ERICH6B: variants seen among roughly 807,000 people sequenced by gnomAD.
The protein encoded by ERICH6B is glutamate-rich protein 6B.
In ERICH6B, 69 loss-of-function variants were observed where a neutral mutation model predicts 80.0. The ratio of observed to expected loss-of-function variants is 0.86; its 90% confidence interval spans 0.71 to 1.05. The LOEUF (loss-of-function observed/expected upper bound fraction) is 1.05, where lower values mean the gene tolerates loss of function less well. Among genes scored for constraint, ERICH6B ranks in the 50% least tolerant of loss-of-function variants. The pLI is 0.00. For missense variants in ERICH6B, 754 were observed against 796.1 expected (o/e 0.95, Z 0.64); for synonymous variants, 283 against 291.9 (o/e 0.97, Z 0.31).
chr13:45,607,201 G>C (rs1478123288), intron 2 of ERICH6B, among the ~76,000 whole-genome samples: 1 of 152,162 alleles, frequency 6.6e-6, no homozygotes, highest in African/African-American at 2.4e-5. Flanking sequence ...GGAAGGTCAG[G>C]TTTTGTGGAA....
At chr13:45,593,770 C>A (rs1212563686) in intron 3 of ERICH6B, among the ~76,000 whole-genome samples, 1 of 152,244 alleles carries the variant, frequency 6.6e-6, no homozygotes, top group Non-Finnish European at 1.5e-5. Context: ...GCAGACATCA[C>A]TAGTTGCTCA....
At position 45,561,509 on chromosome 13, in the gene ERICH6B, T is replaced by A. The variant is rs1004271013; in HGVS notation, c.1267A>T (p.Met423Leu). The A allele has an allele frequency of 5.8e-6, 9 of 1,551,606 alleles. No individual in the cohort carries two copies. The highest frequency in any genetic ancestry group is 2.4e-5 in the East Asian group (1 of 40,936). ...ATTAAATGAAATGTGAAACTGGTCA[T>A]CTCTGTTAACTTTTGAGCTGCCATT... ...RRREAQKLTE[M>L]TSFTFHLMSK... Residue 423 changes from methionine (M) to leucine (L), a missense_variant, in exon 11 of 15, where the codon ATG (methionine) becomes TTG (leucine). Physicochemically the swap from Met to Leu is conservative, Grantham distance 15. Transcript: ENST00000298738.
intron 5 of ERICH6B, 31 bp downstream of exon 5, chr13:45,587,032 C>A: frequency 6.5e-7 from 1 of 1,541,872 alleles, no homozygotes; most frequent in Non-Finnish European, 8.8e-7. Context: ...AGCCCGGCTG[C>A]GCCTCACCGA....
chr13:45,575,903 T>C (rs1333406831), intron 7 of ERICH6B, among the ~76,000 whole-genome samples: 3 of 152,150 alleles, frequency 2.0e-5, no homozygotes, highest in Non-Finnish European at 4.4e-5. Context: ...GGCTCTGGCA[T>C]GATAATTGGG....
At chr13:45,560,735 CT>C (rs1874638046) in intron 11 of ERICH6B, among the ~76,000 whole-genome samples, 1 of 152,134 alleles carries the variant, frequency 6.6e-6, no homozygotes, top group Non-Finnish European at 1.5e-5. Context: ...AGATTGGTTT[CT>C]TTCACTTGGT....
In ERICH6B at chr13:45,568,351, A is replaced by G. The variant is rs755689251; in HGVS notation, c.1151T>C (p.Leu384Pro). ...TTTCCATCTGTTTTCACTTTCCAGT[A>G]GCTTAGTTAGGGGAATGTCAAAATC... ...EEDFDIPLTKLLESENRWKLV... is the reference protein window; with the variant it reads ...EEDFDIPLTKPLESENRWKLV... Residue 384 changes from leucine to proline, a missense_variant, in exon 9 of 15, where the codon CTA becomes CCA. Leu to Pro is a moderately conservative substitution (Grantham distance 98). Coordinates refer to ENST00000298738, the MANE Select transcript of ERICH6B (RefSeq NM_182542.3). 3.9e-6 allele frequency: 6 copies of G among 1,547,568 alleles called. No individual in the cohort carries two copies. The South Asian group carries it at 6.0e-5, about 16-fold the overall frequency.
chr13:45,579,186 CTG>C (rs1875550859), intron 7 of ERICH6B, among the ~76,000 whole-genome samples: 1 of 152,164 alleles, frequency 6.6e-6, no homozygotes, highest in Admixed American at 6.5e-5. Flanking sequence ...ATGGAGAAAA[CTG>C]TTGATCAGTA....
At chr13:45,596,208 T>G (rs1876361452) in intron 3 of ERICH6B, among the ~76,000 whole-genome samples, 161 bp downstream of exon 3, 1 of 152,172 alleles carries the variant, frequency 6.6e-6, no homozygotes, top group South Asian at 2.1e-4. Flanking sequence ...ATGTCAGGTT[T>G]GTGCTTTTTT....
chr13:45,561,891 T>G (rs934132860), intron 10 of ERICH6B, among the ~76,000 whole-genome samples: 18 of 151,074 alleles, frequency 1.2e-4, no homozygotes, highest in African/African-American at 4.4e-4. Flanking sequence ...ATGAGAGGAA[T>G]GCTCACACAG....
chr13:45,563,669 C>T (rs766530798), intron 10 of ERICH6B, 58 bp downstream of exon 10: 88 of 1,420,946 alleles, frequency 6.2e-5, no homozygotes, highest in Middle Eastern at 3.5e-4. Flanking sequence ...AGGGGAGAGG[C>T]GGTGGGATGC....
intron 11 of ERICH6B, among the ~76,000 whole-genome samples, chr13:45,557,944 A>ATT (rs138698972): frequency 1.4e-4 from 20 of 146,902 alleles, no homozygotes; most frequent in East Asian, 6.0e-4. Context: ...GAATTTTAGG[A>ATT]TTTTTTTTTT....
Position 45,543,717 on chromosome 13 carries a change from A to G in ERICH6B, c.1872+1043T>C, listed in dbSNP as rs554500794. On this transcript the variant is annotated intron_variant, in intron 14 of 14. Coordinates refer to ENST00000298738, the MANE Select transcript of ERICH6B (RefSeq NM_182542.3). The stretch of plus-strand genomic sequence containing the variant: ...AAAATTCTGTTGTTTCAGGACTCCT[A>G]GTTTGTGCTGATTTGTTCCAGCAGC... Among the ~76,000 whole-genome samples the G allele has an allele frequency of 2.0e-5, 3 of 152,266 alleles. No homozygotes were observed. The East Asian group carries it at 5.8e-4, about 29-fold the overall frequency.
At chr13:45,561,915 T>G (rs2137976548) in intron 10 of ERICH6B, among the ~76,000 whole-genome samples, 1 of 152,272 alleles carries the variant, frequency 6.6e-6, no homozygotes, top group East Asian at 1.9e-4. Context: ...ATGGTGTGGC[T>G]GCTAATTGAA....
At chr13:45,572,547 CTT>C (rs1276676622) in intron 8 of ERICH6B, among the ~76,000 whole-genome samples, 1 of 152,104 alleles carries the variant, frequency 6.6e-6, no homozygotes. Context: ...TATAAAAACT[CTT>C]TTGAGGAGTG....
At chr13:45,572,945 G>T (rs1287247491) in intron 8 of ERICH6B, among the ~76,000 whole-genome samples, 1 of 151,130 alleles carries the variant, frequency 6.6e-6, no homozygotes, top group Non-Finnish European at 1.5e-5. Context: ...TTATGACCTT[G>T]GTGGTCGAGG....
chr13:45,550,338 A>T, intron 11 of ERICH6B, 22 bp from the exon 12 acceptor site: 1 of 1,543,250 alleles, frequency 6.5e-7, no homozygotes, highest in East Asian at 2.4e-5. Context: ...AGACAAGCCT[A>T]TGAAAAGTGT....
At chr13:45,592,649 G>T (rs1444592100) in intron 3 of ERICH6B, among the ~76,000 whole-genome samples, 1 of 152,152 alleles carries the variant, frequency 6.6e-6, no homozygotes, top group African/African-American at 2.4e-5. Context: ...CATCTCTATA[G>T]CATTATTTGC....
At chr13:45,542,217 GAT>G (rs1873808575) in intron 14 of ERICH6B, among the ~76,000 whole-genome samples, 3 of 152,218 alleles carry the variant, frequency 2.0e-5, no homozygotes, top group Non-Finnish European at 4.4e-5. Context: ...GAGGGGATAA[GAT>G]AGGACGATAC....
At chr13:45,582,648 C>T (rs111724579) in intron 5 of ERICH6B, among the ~76,000 whole-genome samples, 3 of 152,302 alleles carry the variant, frequency 2.0e-5, no homozygotes, top group South Asian at 2.1e-4. Flanking sequence ...CAGAGCTCCA[C>T]GGCTCTCTGC....
Sources: gnomAD v4.1 joint callset for allele counts (sites outside exome capture counted in the v4.1 genomes callset) on GRCh38, gnomAD v4.1.1 for gene constraint, MANE v1.5 for transcripts, NCBI Gene and HGNC (gene_info 2026-07-23, HGNC 2026-07-21) for gene names.